The following USH2A variants were observed in gnomAD, a reference collection of about 807,000 sequenced individuals.
The protein encoded by USH2A is Usher syndrome 2A (autosomal recessive, mild).
Under a neutral mutation model 538.9 loss-of-function variants are expected in USH2A, and 443 were observed. The ratio of observed to expected loss-of-function variants is 0.82; its 90% CI spans 0.76 to 0.89. The LOEUF (loss-of-function observed/expected upper bound fraction) is 0.89. Ranked by LOEUF, USH2A falls within the 40% of genes least tolerant of loss-of-function variation. The pLI is 0.00. For missense variants in USH2A, 6,633 were observed against 6,324.8 expected, an observed-to-expected ratio of 1.05 and a Z score of -1.65; for synonymous variants, 2,413 against 2,273.5, an observed-to-expected ratio of 1.06 and a Z score of -1.75.
rs77443647 is a variant in USH2A at position 215,703,609 on chromosome 1, C to T, written c.12067-23233G>A. Among the ~76,000 whole-genome samples, 635 of 152,278 alleles carry T rather than the reference C, an allele frequency of 4.2e-3. 33 individuals carry two copies. The East Asian group carries it at 0.11, about 27-fold the overall frequency. On this transcript the variant is annotated intron_variant, in intron 61 of 71. Coordinates refer to ENST00000307340, the MANE Select transcript of USH2A (RefSeq NM_206933.4). ...AAACTTCCTGGTGGCTTTGTTCACA[C>T]TGTGAGGGGAAAACCACCTACTCAA...
At position 215,799,130 on chromosome 1, in the gene USH2A, C is replaced by A. The variant is rs747659770; in HGVS notation, c.9740-5G>T. The A allele has an allele frequency of 6.2e-7, 1 of 1,611,636 alleles. No homozygotes were observed. Among genetic ancestry groups the A allele is most frequent in the South Asian group, 1.1e-5 (1 of 90,708 alleles). ...CATCTGGACAGCATACTTCACCTGTCAATTTAGGACAATAATAATCATTAC... is the reference window on the plus strand; with the variant it reads ...CATCTGGACAGCATACTTCACCTGTAAATTTAGGACAATAATAATCATTAC... On this transcript the variant is annotated splice_region_variant and splice_polypyrimidine_tract_variant and intron_variant, in intron 49 of 71. Coordinates refer to ENST00000307340, the MANE Select transcript of USH2A (RefSeq NM_206933.4).
At chr1:215,890,000 T>A (rs1482686714) in intron 40 of USH2A, among the ~76,000 whole-genome samples, 1 of 152,170 alleles carries the variant, frequency 6.6e-6, no homozygotes, top group Non-Finnish European at 1.5e-5. Context: ...AAAATGCAGG[T>A]GCTTTTTATT....
intron 32 of USH2A, among the ~76,000 whole-genome samples, chr1:216,009,926 A>G (rs1490091511): frequency 6.6e-6 from 1 of 152,110 alleles, no homozygotes. Flanking sequence ...GCTGTTTTTC[A>G]TCAAATATAA....
chr1:216,085,023 C>T, intron 24 of USH2A, 146 bp from the exon 25 acceptor site: 1 of 727,968 alleles, frequency 1.4e-6, no homozygotes, highest in Non-Finnish European at 2.3e-6. Flanking sequence ...CATGTAAACA[C>T]CACACCATCA....
At chr1:216,133,141 A>T (rs1036422101) in intron 21 of USH2A, among the ~76,000 whole-genome samples, 4 of 152,180 alleles carry the variant, frequency 2.6e-5, no homozygotes, top group African/African-American at 7.2e-5. Flanking sequence ...TTGCATACTG[A>T]ATATTCTGGA....
At chr1:216,249,840 A>G (rs2036124705) in intron 12 of USH2A, among the ~76,000 whole-genome samples, 1 of 152,110 alleles carries the variant, frequency 6.6e-6, no homozygotes, top group South Asian at 2.1e-4. Flanking sequence ...TGATATGTAC[A>G]TATGCATGTG....
chr1:216,207,417 G>A lies in USH2A; in HGVS notation c.3172C>T (p.Pro1058Ser). The change falls in exon 16 of 72, where the codon CCT (proline) becomes TCT (serine). Residue 1058 changes from proline (P) to serine (S), a missense_variant. Physicochemically the swap from Pro to Ser is moderately conservative, Grantham distance 74. Transcript: ENST00000307340. ...LGCSKTPFQQPPPRGQVQSSS... is the reference protein window; with the variant it reads ...LGCSKTPFQQSPPRGQVQSSS... ...CTTTGAACTTGTCCTCTGGGCGGAG[G>A]TTGCTGGAATGGAGCTAAATTACAA... is the stretch of plus-strand genomic sequence containing the variant. 2 of 1,614,020 alleles carry A rather than the reference G, an allele frequency of 1.2e-6. No individual in the cohort carries two copies. The highest frequency in any genetic ancestry group is 1.7e-5 in the Admixed American group (1 of 60,018).
chr1:215,660,454 T>C lies in USH2A; in HGVS notation c.14134-9653A>G, dbSNP rs1571937973. On this transcript the variant is annotated intron_variant, in intron 64 of 71. Transcript: ENST00000307340. Reference sequence around the variant, plus strand: ...GTGCAACTCACTCCTGGATTCCAGTTAGTTGTTACACATTAATAAGATTGG... The same window carrying C: ...GTGCAACTCACTCCTGGATTCCAGTCAGTTGTTACACATTAATAAGATTGG... Among the ~76,000 whole-genome samples, 3 of 152,272 alleles carry C rather than the reference T, an allele frequency of 2.0e-5. No individual in the cohort carries two copies. The South Asian group carries it at 6.2e-4, about 32-fold the overall frequency.
chr1:215,991,019 C>T (rs1217350851), intron 35 of USH2A, among the ~76,000 whole-genome samples: 1 of 152,044 alleles, frequency 6.6e-6, no homozygotes, highest in Non-Finnish European at 1.5e-5. Context: ...CCTCAGCCTC[C>T]CAAAGTGCTG....
chr1:215,802,535 T>C (rs1008761570), intron 49 of USH2A, among the ~76,000 whole-genome samples: 8 of 151,914 alleles, frequency 5.3e-5, no homozygotes, highest in Non-Finnish European at 8.8e-5. Flanking sequence ...TAGTAATAAG[T>C]AGGGAAATGC....
intron 21 of USH2A, among the ~76,000 whole-genome samples, chr1:216,125,408 C>G (rs2033231456): frequency 6.6e-6 from 1 of 152,094 alleles, no homozygotes; most frequent in South Asian, 2.1e-4. Context: ...TAGACATACA[C>G]TGTTAGTATT....
chr1:216,286,299 CA>C (rs1418069856), intron 11 of USH2A, among the ~76,000 whole-genome samples: 2 of 152,172 alleles, frequency 1.3e-5, no homozygotes, highest in East Asian at 3.9e-4. Flanking sequence ...CTGATGGTTT[CA>C]AAAGGGGCTT....
At chr1:216,064,061 C>G (rs995172204) in intron 30 of USH2A, among the ~76,000 whole-genome samples, 1 of 152,180 alleles carries the variant, frequency 6.6e-6, no homozygotes, top group African/African-American at 2.4e-5. Context: ...GTAAGGAGCA[C>G]CGCCTACCAG....
At chr1:215,681,974 A>G (rs1658245343) in intron 61 of USH2A, among the ~76,000 whole-genome samples, 1 of 152,226 alleles carries the variant, frequency 6.6e-6, no homozygotes, top group Non-Finnish European at 1.5e-5. Flanking sequence ...TAAAAGTTAG[A>G]TCATAAATAT....
chr1:216,156,455 T>C (rs2033943680), intron 21 of USH2A, among the ~76,000 whole-genome samples: 1 of 152,126 alleles, frequency 6.6e-6, no homozygotes, highest in Non-Finnish European at 1.5e-5. Context: ...TTCAGTAACT[T>C]TTCAAAGTAA....
At chr1:215,883,798 T>C (rs1664980935) in intron 41 of USH2A, among the ~76,000 whole-genome samples, 1 of 152,200 alleles carries the variant, frequency 6.6e-6, no homozygotes, top group South Asian at 2.1e-4. Flanking sequence ...TCAATGGCTT[T>C]AAAGTAAGTT....
intron 60 of USH2A, among the ~76,000 whole-genome samples, chr1:215,735,697 A>G (rs2102720594): frequency 6.6e-6 from 1 of 152,122 alleles, no homozygotes; most frequent in African/African-American, 2.4e-5. Context: ...ACATTTTTTT[A>G]TATACATATA....
rs574942567 is a variant in USH2A, at chr1:216,373,930, C to A, written c.652-8845G>T. ...ATGGAATACTATGCAGCCATAAAAA[C>A]TGATGAGTTCATGTCCTTTGTAGGA... On this transcript the variant is annotated intron_variant, in intron 3 of 71. Coordinates refer to ENST00000307340, the MANE Select transcript of USH2A (RefSeq NM_206933.4). 2.1e-3 allele frequency among the ~76,000 whole-genome samples: 321 copies of A among 152,030 alleles called. 1 individual carries two copies. The highest frequency in any genetic ancestry group is 7.5e-3 in the African/African-American group (309 of 41,444).
chr1:215,796,943 C>G (rs527669497), intron 50 of USH2A, among the ~76,000 whole-genome samples: 5 of 152,160 alleles, frequency 3.3e-5, no homozygotes, highest in Non-Finnish European at 5.9e-5. Context: ...GACAGTATCT[C>G]TTTATTATAT....
Sources: gnomAD v4.1 joint callset for allele counts (sites outside exome capture counted in the v4.1 genomes callset) on GRCh38, gnomAD v4.1.1 for gene constraint, MANE v1.5 for transcripts, NCBI Gene and HGNC (gene_info 2026-07-23, HGNC 2026-07-21) for gene names.